The following SPMAP2 variants were observed in gnomAD, a reference collection of about 807,000 sequenced individuals.
SPMAP2 encodes the protein Theg homolog.
At chr19:375,717 G>C in the SPMAP2 span, 1 of 1,607,072 alleles carries the variant, frequency 6.2e-7, no homozygotes, top group Non-Finnish European at 8.5e-7. Context: ...CTCCAACTCA[G>C]AAAGTGCCTC....
At chr19:365,469 C>T in the SPMAP2 span, among the ~76,000 whole-genome samples, 76 of 151,786 alleles carry the variant, frequency 5.0e-4, no homozygotes, top group Non-Finnish European at 8.3e-4. Flanking sequence ...ACATAGCAAG[C>T]GTGAGCACGC....
chr19:364,078 A>G, the SPMAP2 span, among the ~76,000 whole-genome samples: 276 of 151,816 alleles, frequency 1.8e-3, no homozygotes, highest in Admixed American at 6.1e-3. Context: ...TCATGCCTGT[A>G]ATCCCAGCAC....
At chr19:370,294 G>A in the SPMAP2 span, among the ~76,000 whole-genome samples, 1 of 151,868 alleles carries the variant, frequency 6.6e-6, no homozygotes, top group African/African-American at 2.4e-5. Context: ...TTACCCTGGA[G>A]ATATGGAAAC....
the SPMAP2 span, among the ~76,000 whole-genome samples, chr19:364,869 T>C: frequency 6.6e-6 from 1 of 152,064 alleles, no homozygotes; most frequent in Non-Finnish European, 1.5e-5. Context: ...GCCGGGGCTG[T>C]CCTCTACCTT....
the SPMAP2 span, chr19:367,322 A>C: frequency 8.5e-7 from 1 of 1,176,312 alleles, no homozygotes; most frequent in Non-Finnish European, 1.2e-6. Context: ...TGAAAGACAC[A>C]AGACAGACTG....
chr19:365,872 C>T, the SPMAP2 span, among the ~76,000 whole-genome samples: 14 of 152,140 alleles, frequency 9.2e-5, no homozygotes, highest in African/African-American at 7.2e-5. Context: ...TGGCCAGGAG[C>T]GGTGTCATGC....
At chr19:363,498 T>G in the SPMAP2 span, among the ~76,000 whole-genome samples, 1 of 149,150 alleles carries the variant, frequency 6.7e-6, no homozygotes, top group East Asian at 2.0e-4. Context: ...TGGCCTATTT[T>G]TTATTTTATT....
the SPMAP2 span, chr19:361,838 G>A: frequency 1.1e-5 from 1 of 90,140 alleles, no homozygotes. Flanking sequence ...CTCAGCAGGA[G>A]CGTCGGCTGG....
At chr19:374,024 AG>A in the SPMAP2 span, 1 of 1,612,154 alleles carries the variant, frequency 6.2e-7, no homozygotes, top group Non-Finnish European at 8.5e-7. Context: ...GCGAGGAGAC[AG>A]GGTCCGAGCC....
chr19:373,121 T>C, the SPMAP2 span, among the ~76,000 whole-genome samples: 5 of 152,308 alleles, frequency 3.3e-5, no homozygotes, highest in East Asian at 1.9e-4. Context: ...TGGACTGTTA[T>C]TCTCCTCTAT....
At chr19:374,268 C>A in the SPMAP2 span, 1 of 1,610,240 alleles carries the variant, frequency 6.2e-7, no homozygotes, top group East Asian at 2.2e-5. Flanking sequence ...CCACGCTGCC[C>A]CTACGAGGCC....
the SPMAP2 span, chr19:374,120 AGCCACTCCCAGTGTCTG>A: frequency 6.9e-7 from 1 of 1,455,066 alleles, no homozygotes; most frequent in Non-Finnish European, 9.5e-7. Flanking sequence ...ACCGTTCCCT[AGCCACTCCCAGTGTCTG>A]GCCACCTCCT....
chr19:375,989 C>T, the SPMAP2 span: 2 of 1,383,978 alleles, frequency 1.4e-6, no homozygotes, highest in South Asian at 1.9e-5. Flanking sequence ...CCCTTCCCAG[C>T]CCCCGCGGCC....
chr19:367,126 C>T, the SPMAP2 span: 1 of 1,613,214 alleles, frequency 6.2e-7, no homozygotes. Flanking sequence ...GCACGGGGTC[C>T]CACTCTTCCA....
At chr19:364,350 AAAAAAAG>A in the SPMAP2 span, among the ~76,000 whole-genome samples, 1 of 151,090 alleles carries the variant, frequency 6.6e-6, no homozygotes, top group Admixed American at 6.6e-5. Context: ...AAAAAAAAAA[AAAAAAAG>A]AAAGAAAAAA....
the SPMAP2 span, among the ~76,000 whole-genome samples, chr19:366,541 G>T: frequency 1.5e-3 from 226 of 152,306 alleles, 1 homozygote; most frequent in African/African-American, 5.1e-3. Context: ...GGCCCCATAA[G>T]CGAAGTTAAA....
the SPMAP2 span, chr19:373,880 C>T: frequency 6.5e-7 from 1 of 1,528,576 alleles, no homozygotes; most frequent in Non-Finnish European, 9.0e-7. Flanking sequence ...GAAGGGGTCC[C>T]CTGGAACCTG....
the SPMAP2 span, chr19:372,518 C>A: frequency 9.5e-7 from 1 of 1,054,660 alleles, no homozygotes. Flanking sequence ...TGAACACCAG[C>A]TGTCTAGGGC....
chr19:365,496 GCCACACA>G, the SPMAP2 span, among the ~76,000 whole-genome samples: 1 of 77,876 alleles, frequency 1.3e-5, no homozygotes, highest in African/African-American at 4.1e-5. Context: ...AAACAGCACA[GCCACACA>G]CTCGCTCTTA....
Sources: gnomAD v4.1 joint callset for allele counts (sites outside exome capture counted in the v4.1 genomes callset) on GRCh38, gnomAD v4.1.1 for gene constraint, MANE v1.5 for transcripts, NCBI Gene and HGNC (gene_info 2026-07-23, HGNC 2026-07-21) for gene names.